The following ANXA6 variants were observed in gnomAD, a reference collection of about 807,000 sequenced individuals.
ANXA6 encodes annexin A6, also known as 67 kDa calelectrin.
In ANXA6, 71 loss-of-function variants were observed where a neutral mutation model predicts 95.4. The observed-to-expected ratio is 0.74, with a 90% CI of 0.61 to 0.91. The LOEUF (loss-of-function observed/expected upper bound fraction) is 0.91. Among genes scored for constraint, ANXA6 ranks in the 40% least tolerant of loss-of-function variants. The pLI, the probability that ANXA6 is intolerant of heterozygous loss-of-function variation, is 0.00. For missense variants in ANXA6, 830 were observed against 876.4 expected (o/e 0.95, Z 0.67); for synonymous variants, 289 against 315.9 (o/e 0.91, Z 0.90).
chr5:151,122,820 C>A, intron 16 of ANXA6, 97 bp downstream of exon 16: 1 of 1,070,502 alleles, frequency 9.3e-7, no homozygotes, highest in East Asian at 2.4e-5. Context: ...CCATGAAGAC[C>A]CTGGTGCCCA....
rs201769474 is a variant in ANXA6, at chr5:151,109,776, C to T, written c.1661G>A (p.Arg554Gln). 198 of 1,610,986 alleles carry T rather than the reference C, an allele frequency of 1.2e-4. No homozygotes were observed. Among genetic ancestry groups the T allele is most frequent in the Non-Finnish European group, 1.4e-4 (161 of 1,178,628 alleles). ...ETRFMTILCT[R>Q]SYPHLRRVFQ... is the part of the protein sequence containing the mutation. The stretch of plus-strand genomic sequence containing the variant: ...ACCTCTCCGGAGGTGCGGATAGCTC[C>T]GGGTACACAGGATCGTCATGAAACG... The change falls in exon 22 of 26, where the codon CGG (arginine) becomes CAG (glutamine). Residue 554 changes from arginine (R) to glutamine (Q), a missense_variant. Physicochemically the swap from Arg to Gln is conservative, Grantham distance 43 (BLOSUM62 1). Transcript: ENST00000354546.
At chr5:151,131,876 C>T (rs898104579) in intron 10 of ANXA6, among the ~76,000 whole-genome samples, 1 of 152,102 alleles carries the variant, frequency 6.6e-6, no homozygotes, top group Non-Finnish European at 1.5e-5. Context: ...CTTCCTGCCC[C>T]CACACCCTGC....
intron 1 of ANXA6, among the ~76,000 whole-genome samples, chr5:151,149,560 C>G (rs1766057952): frequency 6.6e-6 from 1 of 152,050 alleles, no homozygotes; most frequent in Non-Finnish European, 1.5e-5. Flanking sequence ...AATCTCAGCT[C>G]CCTGCAACCT....
chr5:151,110,755 G>A, intron 20 of ANXA6, 111 bp from the exon 21 acceptor site: 2 of 1,199,084 alleles, frequency 1.7e-6, no homozygotes, highest in Non-Finnish European at 2.4e-6. Flanking sequence ...CTGGCTGGGA[G>A]TGGGAGAGGT....
intron 14 of ANXA6, 42 bp downstream of exon 14, chr5:151,126,360 G>T (rs754593870): frequency 1.3e-6 from 2 of 1,541,362 alleles, no homozygotes; most frequent in Non-Finnish European, 8.9e-7. Flanking sequence ...AAGCAGAGAA[G>T]CTGTGGTCAA....
In ANXA6 at chr5:151,136,315, C is replaced by A. The variant is rs747165899; in HGVS notation, c.430G>T (p.Ala144Ser). The A allele has an allele frequency of 6.2e-7, 1 of 1,613,930 alleles. No homozygotes were observed. Among genetic ancestry groups the A allele is most frequent in the Non-Finnish European group, 8.5e-7 (1 of 1,179,862 alleles). The change falls in exon 7 of 26, where the codon GCT (alanine) becomes TCT (serine). Residue 144 changes from alanine (A) to serine (S), a missense_variant. Ala to Ser is a moderately conservative substitution (Grantham distance 99). Transcript: ENST00000354546. ...CCAGAGGTGTCGCCGATGATGTCAG[C>A]CTCCAGGTCCCGCTCGTAGGCTGCA... ...YKDAYERDLEADIIGDTSGHF... is the reference protein window; with the variant it reads ...YKDAYERDLESDIIGDTSGHF...
chr5:151,119,409 G>T lies in ANXA6; in HGVS notation c.1348-19C>A. 6.2e-7 allele frequency: 1 copy of T among 1,610,586 alleles called. No individual in the cohort carries two copies. The highest frequency in any genetic ancestry group is 8.5e-7 in the Non-Finnish European group (1 of 1,176,916). On this transcript the variant is annotated intron_variant, in intron 17 of 25. Coordinates refer to ENST00000354546, the MANE Select transcript of ANXA6 (RefSeq NM_001155.5). ...CGGCTCCCTGGAATGTCAAGGCAAA[G>T]ATGATCTCAGCCATAGTTCTGACCT... is the stretch of plus-strand genomic sequence containing the variant.
rs1019686264 is a variant in ANXA6 at position 151,126,589 on chromosome 5, C to T, written c.978-109G>A. 3.0e-5 allele frequency: 25 copies of T among 821,608 alleles called. 1 individual carries two copies. Among genetic ancestry groups the T allele is most frequent in the African/African-American group, 1.5e-4 (9 of 59,236 alleles). The allele number at this position is 821,608 out of a possible 1,614,324, so 50.9% of individuals were successfully genotyped here. The stretch of plus-strand genomic sequence containing the variant: ...ACACACACCCCAACACATACACACA[C>T]GTGCACACACCACACACACATTAAG... On this transcript the variant is annotated intron_variant, in intron 13 of 25. Coordinates refer to ENST00000354546, the MANE Select transcript of ANXA6 (RefSeq NM_001155.5).
chr5:151,145,617 G>T (rs539809675), intron 2 of ANXA6, among the ~76,000 whole-genome samples: 2 of 152,204 alleles, frequency 1.3e-5, no homozygotes, highest in Admixed American at 1.3e-4. Context: ...GCATGCACAC[G>T]TGTGTATACA....
chr5:151,139,285 C>T (rs774595728), intron 4 of ANXA6, 68 bp downstream of exon 4: 31 of 1,174,040 alleles, frequency 2.6e-5, no homozygotes, highest in Admixed American at 1.5e-4. Context: ...ATAACCTGAA[C>T]GAGCACACAG....
intron 20 of ANXA6, 78 bp downstream of exon 20, chr5:151,117,049 C>T (rs1279259075): frequency 2.1e-5 from 29 of 1,365,362 alleles, no homozygotes; most frequent in East Asian, 1.6e-4. Context: ...AGACAGGGCC[C>T]GGCGTAGACA....
Position 151,107,770 on chromosome 5 carries a change from G to C in ANXA6, c.1780+685C>G, listed in dbSNP as rs1246234690. ...TACACGGTGGAATTAAGATCCAAAA[G>C]GGAAAAACCTTTTCAAAGTCAAGAG... On this transcript the variant is annotated intron_variant, in intron 23 of 25. Coordinates refer to ENST00000354546, the MANE Select transcript of ANXA6 (RefSeq NM_001155.5). Among the ~76,000 whole-genome samples the C allele has an allele frequency of 2.6e-5, 4 of 152,266 alleles. No homozygotes were observed. The East Asian group carries it at 5.8e-4, about 22-fold the overall frequency.
chr5:151,118,188 A>C (rs1765058029), intron 18 of ANXA6, among the ~76,000 whole-genome samples: 1 of 152,032 alleles, frequency 6.6e-6, no homozygotes, highest in African/African-American at 2.4e-5. Context: ...CCAAAAGCAG[A>C]GCTCTGACTA....
intron 18 of ANXA6, among the ~76,000 whole-genome samples, chr5:151,118,606 G>C (rs1765073830): frequency 6.6e-6 from 1 of 152,008 alleles, no homozygotes; most frequent in African/African-American, 2.4e-5. Context: ...GCTAATTTTT[G>C]CATTTTTAGT....
At position 151,110,661 on chromosome 5, in the gene ANXA6, G is replaced by T; in HGVS notation, c.1573-17C>A. On this transcript the variant is annotated splice_polypyrimidine_tract_variant and intron_variant, in intron 20 of 25. Coordinates refer to ENST00000354546, the MANE Select transcript of ANXA6 (RefSeq NM_001155.5). ...AGCAGCCACCTGAGAGCAGGGAGGGGAGAGAGGAGGGAGAGAAGGGAGGCA... is the reference window on the plus strand; with the variant it reads ...AGCAGCCACCTGAGAGCAGGGAGGGTAGAGAGGAGGGAGAGAAGGGAGGCA... 6.2e-7 allele frequency: 1 copy of T among 1,613,322 alleles called. No individual in the cohort carries two copies. Among genetic ancestry groups the T allele is most frequent in the South Asian group, 1.1e-5 (1 of 91,054 alleles).
chr5:151,132,452 C>T, intron 10 of ANXA6, 24 bp downstream of exon 10: 1 of 1,585,690 alleles, frequency 6.3e-7, no homozygotes, highest in South Asian at 1.1e-5. Context: ...CTAAAGCCCC[C>T]AGGAATGCAA....
intron 11 of ANXA6, among the ~76,000 whole-genome samples, 190 bp downstream of exon 11, chr5:151,131,041 T>C (rs1433641896): frequency 2.0e-5 from 3 of 152,232 alleles, no homozygotes; most frequent in Non-Finnish European, 4.4e-5. Flanking sequence ...CAGGCAGGTA[T>C]GCAGGTGGCA....
At position 151,108,507 on chromosome 5, in the gene ANXA6, G is replaced by A; in HGVS notation, c.1728C>T (p.His576=). ...CCCCAGACATCTCCTTCTTGATGGT[G>A]TGCTCCACGTCATAGTTGGTCATCT... The part of the protein sequence containing the change: ...FIKMTNYDVE[H]TIKKEMSGDV... Residue 576 remains histidine, a synonymous_variant, in exon 23 of 26, where the codon CAC becomes CAT. Coordinates refer to ENST00000354546, the MANE Select transcript of ANXA6 (RefSeq NM_001155.5). 1 of 1,613,954 alleles carries A rather than the reference G, an allele frequency of 6.2e-7. No individual in the cohort carries two copies. The highest frequency in any genetic ancestry group is 8.5e-7 in the Non-Finnish European group (1 of 1,179,876).
intron 11 of ANXA6, 120 bp downstream of exon 11, chr5:151,131,111 C>A: frequency 9.9e-7 from 1 of 1,014,682 alleles, no homozygotes; most frequent in South Asian, 1.5e-5. Context: ...GCACCTTCAC[C>A]AGGGTCAGTC....
Sources: allele counts gnomAD v4.1 joint callset (sites outside exome capture counted in the v4.1 genomes callset), GRCh38; gene constraint gnomAD v4.1.1; transcripts MANE v1.5; gene names NCBI Gene and HGNC (gene_info 2026-07-23, HGNC 2026-07-21).